Variants in ST7 observed in about 807,000 individuals in gnomAD.
The protein encoded by ST7 is suppression of tumorigenicity 7.
A neutral mutation model predicts 78.7 loss-of-function variants in ST7; 28 were observed. The observed-to-expected ratio is 0.36, with a 90% CI of 0.26 to 0.49. The LOEUF is 0.49. Among genes scored for constraint, ST7 ranks in the 20% least tolerant of loss-of-function variants. The pLI, the probability that ST7 is intolerant of heterozygous loss-of-function variation, is 0.99. For synonymous variants in ST7, 247 were observed against 249.6 expected (o/e 0.99, Z 0.10); for missense variants, 418 against 696.0 (o/e 0.60, Z 4.49).
intron 13 of ST7, among the ~76,000 whole-genome samples, chr7:117,214,522 C>T (rs1175609803): frequency 6.6e-6 from 1 of 152,156 alleles, no homozygotes; most frequent in Admixed American, 6.5e-5. Context: ...ATAAGGCTGG[C>T]ACCTTTTGAA....
intron 2 of ST7, among the ~76,000 whole-genome samples, chr7:117,110,170 A>T (rs1437495437): frequency 6.6e-6 from 1 of 152,270 alleles, no homozygotes; most frequent in African/African-American, 2.4e-5. Flanking sequence ...ATTATCATTT[A>T]CATTTACAAT....
chr7:117,040,403 A>C (rs990108588), intron 1 of ST7, among the ~76,000 whole-genome samples: 3 of 152,076 alleles, frequency 2.0e-5, no homozygotes, highest in Non-Finnish European at 4.4e-5. Flanking sequence ...CATTCACTAA[A>C]TTTTATACAC....
intron 1 of ST7, among the ~76,000 whole-genome samples, chr7:117,086,779 G>A (rs1220883103): frequency 6.6e-6 from 1 of 152,122 alleles, no homozygotes; most frequent in Non-Finnish European, 1.5e-5. Flanking sequence ...TGATTTAACC[G>A]GAGTTCACAG....
Position 117,129,789 on chromosome 7 carries a change from G to A in ST7, c.395-4G>A, listed in dbSNP as rs2117012488. On this transcript the variant is annotated splice_region_variant and splice_polypyrimidine_tract_variant and intron_variant, in intron 3 of 15. Coordinates refer to ENST00000323984, the MANE Select transcript of ST7 (RefSeq NM_001369598.1). ...TAACATTTTCATATTTCTCTTTGTTGCAGAATGCAAAGTATGGCGAAATCC... is the reference window on the plus strand; with the variant it reads ...TAACATTTTCATATTTCTCTTTGTTACAGAATGCAAAGTATGGCGAAATCC... 1 of 1,608,992 alleles carries A rather than the reference G, an allele frequency of 6.2e-7. No individual in the cohort carries two copies. The highest frequency in any genetic ancestry group is 2.2e-5 in the East Asian group (1 of 44,728).
chr7:117,036,646 A>G (rs1584497840), intron 1 of ST7, among the ~76,000 whole-genome samples: 1 of 152,182 alleles, frequency 6.6e-6, no homozygotes, highest in Non-Finnish European at 1.5e-5. Flanking sequence ...AAGCAGGGAC[A>G]GGGGCATTTA....
intron 1 of ST7, among the ~76,000 whole-genome samples, chr7:117,015,951 A>C (rs557956992): frequency 6.6e-6 from 1 of 152,350 alleles, no homozygotes; most frequent in South Asian, 2.1e-4. Flanking sequence ...CACAGTATCT[A>C]TAAATTATAA....
At chr7:117,186,451 A>G (rs1809269644) in intron 10 of ST7, among the ~76,000 whole-genome samples, 1 of 152,230 alleles carries the variant, frequency 6.6e-6, no homozygotes, top group Non-Finnish European at 1.5e-5. Flanking sequence ...GATGATTCAC[A>G]TCCCGGGTTG....
chr7:117,020,898 G>A (rs917166579), intron 1 of ST7, among the ~76,000 whole-genome samples: 1 of 152,160 alleles, frequency 6.6e-6, no homozygotes, highest in African/African-American at 2.4e-5. Context: ...TGTGTTAATT[G>A]ATGGGATCAG....
intron 1 of ST7, among the ~76,000 whole-genome samples, chr7:116,960,389 A>C (rs1028792432): frequency 6.6e-6 from 1 of 152,046 alleles, no homozygotes; most frequent in Non-Finnish European, 1.5e-5. Flanking sequence ...AGAGTTCGCC[A>C]TCTTGTCCAG....
At chr7:116,973,789 G>C (rs1006087628) in intron 1 of ST7, among the ~76,000 whole-genome samples, 3 of 152,110 alleles carry the variant, frequency 2.0e-5, no homozygotes, top group Admixed American at 2.0e-4. Flanking sequence ...ATGTTTATGA[G>C]ATCTTCCCAT....
At chr7:116,975,335 G>A (rs539689027) in intron 1 of ST7, among the ~76,000 whole-genome samples, 1 of 152,270 alleles carries the variant, frequency 6.6e-6, no homozygotes, top group Admixed American at 6.5e-5. Context: ...TGAGGATTAT[G>A]GGAGCTACAA....
At chr7:117,163,812 T>C (rs1807338880) in intron 9 of ST7, among the ~76,000 whole-genome samples, 1 of 152,164 alleles carries the variant, frequency 6.6e-6, no homozygotes, top group South Asian at 2.1e-4. Flanking sequence ...TCCTATTTAT[T>C]TTTGCTTATG....
intron 1 of ST7, among the ~76,000 whole-genome samples, chr7:116,991,433 C>T (rs939486571): frequency 6.6e-6 from 1 of 152,126 alleles, no homozygotes; most frequent in African/African-American, 2.4e-5. Flanking sequence ...GCAAAAGGCA[C>T]TTCTTACATG....
chr7:117,024,534 T>C (rs1796096038), intron 1 of ST7, among the ~76,000 whole-genome samples: 1 of 152,206 alleles, frequency 6.6e-6, no homozygotes, highest in African/African-American at 2.4e-5. Flanking sequence ...AGCAACACCT[T>C]ACCTGCTGAG....
intron 2 of ST7, among the ~76,000 whole-genome samples, chr7:117,101,131 G>A (rs1563081894): frequency 6.6e-6 from 1 of 152,148 alleles, no homozygotes; most frequent in African/African-American, 2.4e-5. Flanking sequence ...AGTGTGGGGA[G>A]GATCTTTTTG....
At chr7:117,167,862 G>T (rs1229108428) in intron 9 of ST7, among the ~76,000 whole-genome samples, 3 of 152,074 alleles carry the variant, frequency 2.0e-5, no homozygotes, top group Non-Finnish European at 4.4e-5. Context: ...AAGGGCGGAG[G>T]GTGTCCACGG....
chr7:117,135,728 T>A (rs997961508), intron 7 of ST7, among the ~76,000 whole-genome samples: 4 of 152,110 alleles, frequency 2.6e-5, no homozygotes, highest in African/African-American at 9.7e-5. Flanking sequence ...CTGAGCACTT[T>A]ACATGCATCA....
chr7:117,188,284 T>A (rs2117377414), intron 10 of ST7, among the ~76,000 whole-genome samples: 1 of 152,298 alleles, frequency 6.6e-6, no homozygotes, highest in East Asian at 1.9e-4. Flanking sequence ...CCTTTCTAAG[T>A]TGAAAACAGC....
intron 10 of ST7, among the ~76,000 whole-genome samples, chr7:117,172,292 G>T (rs1026186023): frequency 1.3e-5 from 2 of 152,194 alleles, no homozygotes; most frequent in African/African-American, 4.8e-5. Flanking sequence ...TCTCTGAAAT[G>T]GGTGAGAGTT....
Sources: allele counts gnomAD v4.1 joint callset (sites outside exome capture counted in the v4.1 genomes callset), GRCh38; gene constraint gnomAD v4.1.1; transcripts MANE v1.5; gene names NCBI Gene and HGNC (gene_info 2026-07-23, HGNC 2026-07-21).